AIM2: variants seen among roughly 807,000 people sequenced by gnomAD.
AIM2 encodes the protein absent in melanoma 2, also known as interferon-inducible protein AIM2.
A neutral mutation model predicts 27.7 loss-of-function variants in AIM2; 30 were observed. That is an observed-to-expected ratio of 1.08 (90% confidence interval 0.81 to 1.47). The LOEUF is 1.47. Ranked by LOEUF, AIM2 falls within the 40% of genes most tolerant of loss-of-function variation. The pLI is 0.00. For synonymous variants in AIM2, 141 were observed against 145.3 expected, an observed-to-expected ratio of 0.97 and a Z score of 0.21; for missense variants, 358 against 411.3, an observed-to-expected ratio of 0.87 and a Z score of 1.12.
upstream of AIM2, among the ~76,000 whole-genome samples, chr1:159,077,549 G>C (rs191415898): frequency 8.9e-4 from 135 of 152,316 alleles, no homozygotes; most frequent in African/African-American, 3.2e-3. Context: ...TGCCTAAGTA[G>C]GAAGTTTGCA....
intron 1 of AIM2, chr1:159,122,469 C>T (rs1435671286): frequency 6.6e-6 from 1 of 152,218 alleles, no homozygotes; most frequent in African/African-American, 2.4e-5. Flanking sequence ...CATTGGCTTC[C>T]ATTCCCAACT....
intron 1 of AIM2, among the ~76,000 whole-genome samples, chr1:159,133,155 T>C (rs1309332982): frequency 6.6e-6 from 1 of 152,160 alleles, no homozygotes; most frequent in Non-Finnish European, 1.5e-5. Context: ...TTGGCTTCTA[T>C]TTATGTACTT....
rs530490946 is a variant in AIM2, at chr1:159,067,333, G to A, written c.397-1004C>T. Among the ~76,000 whole-genome samples the A allele has an allele frequency of 2.2e-4, 33 of 151,746 alleles. No homozygotes were observed. In the East Asian group the frequency reaches 5.2e-3, roughly 24 times the overall value. ...TAACAGAGATAAGACACCTCTTTTT[G>A]GTTTGTTTTGGGAGAAAATACTACT... On this transcript the variant is annotated intron_variant, in intron 3 of 5. Coordinates refer to ENST00000368130, the MANE Select transcript of AIM2 (RefSeq NM_004833.3).
At chr1:159,108,202 A>G (rs999388472) in intron 1 of AIM2, among the ~76,000 whole-genome samples, 2 of 152,066 alleles carry the variant, frequency 1.3e-5, no homozygotes, top group Non-Finnish European at 2.9e-5. Flanking sequence ...AAAGTAGTAC[A>G]CCACGTTCAA....
chr1:159,113,872 T>A (rs1647256811), intron 1 of AIM2, among the ~76,000 whole-genome samples: 2 of 152,252 alleles, frequency 1.3e-5, no homozygotes, highest in South Asian at 4.1e-4. Flanking sequence ...GAAGAAGTGC[T>A]ACTGGCTATT....
At chr1:159,104,035 T>A (rs1180423372) in intron 1 of AIM2, among the ~76,000 whole-genome samples, 4 of 151,984 alleles carry the variant, frequency 2.6e-5, no homozygotes, top group African/African-American at 4.8e-5. Context: ...ACCTACACTT[T>A]TTTTATTTTA....
upstream of AIM2, among the ~76,000 whole-genome samples, chr1:159,145,495 C>T (rs1260466243): frequency 1.3e-5 from 2 of 152,140 alleles, no homozygotes; most frequent in Admixed American, 1.3e-4. Context: ...AACAATTCAG[C>T]ATGAGAATCA....
chr1:159,066,611 T>C (rs984316558), intron 3 of AIM2, among the ~76,000 whole-genome samples: 1 of 152,222 alleles, frequency 6.6e-6, no homozygotes, highest in Non-Finnish European at 1.5e-5. Context: ...ATGTACTATA[T>C]ATAAAGACTT....
intron 1 of AIM2, among the ~76,000 whole-genome samples, chr1:159,137,821 A>C (rs1370269995): frequency 6.6e-6 from 1 of 152,158 alleles, no homozygotes; most frequent in Non-Finnish European, 1.5e-5. Context: ...TTTGATCAAA[A>C]ATGTATCCAA....
intron 1 of AIM2, among the ~76,000 whole-genome samples, chr1:159,108,327 T>G (rs1449654527): frequency 6.6e-6 from 1 of 152,176 alleles, no homozygotes; most frequent in Non-Finnish European, 1.5e-5. Flanking sequence ...CGAAAAAGCA[T>G]TCAACAAAAT....
intron 1 of AIM2, among the ~76,000 whole-genome samples, chr1:159,137,011 C>T (rs1458750055): frequency 6.6e-6 from 1 of 152,194 alleles, no homozygotes; most frequent in African/African-American, 2.4e-5. Flanking sequence ...ACATATCTGA[C>T]TCTATTCTCT....
At chr1:159,075,570 CACACAT>C (rs1030128797) in intron 1 of AIM2, among the ~76,000 whole-genome samples, 12 of 144,926 alleles carry the variant, frequency 8.3e-5, no homozygotes, top group Non-Finnish European at 1.4e-4. Flanking sequence ...CACACACACA[CACACAT>C]ATATATATGG....
At chr1:159,137,233 A>AGGGG (rs1648026340) in intron 1 of AIM2, among the ~76,000 whole-genome samples, 1 of 152,196 alleles carries the variant, frequency 6.6e-6, no homozygotes, top group African/African-American at 2.4e-5. Context: ...TTGTTGTTAT[A>AGGGG]ATGATTGGGG....
intron 1 of AIM2, among the ~76,000 whole-genome samples, chr1:159,118,247 C>T (rs983344712): frequency 1.3e-5 from 2 of 152,144 alleles, no homozygotes; most frequent in Admixed American, 6.6e-5. Context: ...CAGAATAAAA[C>T]GAAGCACAGA....
At chr1:159,112,769 G>A (rs938662436) in intron 1 of AIM2, among the ~76,000 whole-genome samples, 2 of 151,956 alleles carry the variant, frequency 1.3e-5, no homozygotes, top group African/African-American at 4.8e-5. Flanking sequence ...TGGACTAAAG[G>A]AAATAGAAGT....
chr1:159,125,009 C>T (rs1014665380), intron 1 of AIM2, among the ~76,000 whole-genome samples: 1 of 152,154 alleles, frequency 6.6e-6, no homozygotes, highest in Non-Finnish European at 1.5e-5. Flanking sequence ...TGAGGTGCAA[C>T]TGGAGAGGTA....
intron 1 of AIM2, among the ~76,000 whole-genome samples, chr1:159,090,607 CA>C (rs1217261300): frequency 6.6e-6 from 1 of 152,052 alleles, no homozygotes; most frequent in Non-Finnish European, 1.5e-5. Flanking sequence ...AGACCAAGTC[CA>C]AAACTTTACC....
At chr1:159,133,203 C>G (rs907384628) in intron 1 of AIM2, among the ~76,000 whole-genome samples, 1 of 151,204 alleles carries the variant, frequency 6.6e-6, no homozygotes, top group Non-Finnish European at 1.5e-5. Flanking sequence ...TTCTCTCTCT[C>G]TTAATGATTT....
At chr1:159,086,424 C>T (rs1311228755) in intron 1 of AIM2, among the ~76,000 whole-genome samples, 1 of 152,220 alleles carries the variant, frequency 6.6e-6, no homozygotes, top group Non-Finnish European at 1.5e-5. Context: ...TCAGAGCGCT[C>T]TGGGGCCAGG....
Sources: gnomAD v4.1 joint callset for allele counts (sites outside exome capture counted in the v4.1 genomes callset) on GRCh38, gnomAD v4.1.1 for gene constraint, MANE v1.5 for transcripts, NCBI Gene and HGNC (gene_info 2026-07-23, HGNC 2026-07-21) for gene names.